The following MYOF variants were observed in gnomAD, a reference collection of about 807,000 sequenced individuals.
MYOF encodes the protein myoferlin.
A neutral mutation model predicts 284.2 loss-of-function variants in MYOF; 244 were observed. The observed-to-expected ratio is 0.86, with a 90% CI of 0.77 to 0.95. The LOEUF (loss-of-function observed/expected upper bound fraction) is 0.95. MYOF is among the 40% of genes least tolerant of loss of function. The pLI, the probability that MYOF is intolerant of heterozygous loss-of-function variation, is 0.00. For missense variants in MYOF, 2,496 were observed against 2,560.6 expected, an observed-to-expected ratio of 0.97 and a Z score of 0.54; for synonymous variants, 904 against 919.7, an observed-to-expected ratio of 0.98 and a Z score of 0.31.
Position 93,328,772 on chromosome 10 carries a change from C to T in MYOF, c.5122G>A (p.Asp1708Asn). Reference sequence around the variant, plus strand: ...ACAGCTAGGTGCTCACCAAATTCATCCAAGCTGTAGTCTCGTCCTCCATAT... The same window carrying T: ...ACAGCTAGGTGCTCACCAAATTCATTCAAGCTGTAGTCTCGTCCTCCATAT... The part of the protein sequence containing the change: ...IRYGGRDYSL[D>N]EFEANKILHQ... Residue 1708 changes from aspartate (D) to asparagine (N), a missense_variant, in exon 45 of 54, where the codon GAT becomes AAT. Transcript: ENST00000359263. 1 of 1,609,722 alleles carries T rather than the reference C, an allele frequency of 6.2e-7. No individual in the cohort carries two copies. The highest frequency in any genetic ancestry group is 8.5e-7 in the Non-Finnish European group (1 of 1,176,266).
At chr10:93,446,392 TAGC>T (rs550646440) in intron 3 of MYOF, among the ~76,000 whole-genome samples, 294 of 152,326 alleles carry the variant, frequency 1.9e-3, no homozygotes, top group African/African-American at 7.0e-3. Flanking sequence ...AATTAACTAT[TAGC>T]AGCTATTATA....
At chr10:93,341,871 C>T in intron 38 of MYOF, 1 of 1,266,626 alleles carries the variant, frequency 7.9e-7, no homozygotes, top group Non-Finnish European at 1.0e-6. Context: ...GCCAAGGTCC[C>T]ACAGTCCCAG....
At chr10:93,432,744 C>G (rs1339168430) in intron 3 of MYOF, among the ~76,000 whole-genome samples, 1 of 152,164 alleles carries the variant, frequency 6.6e-6, no homozygotes, top group African/African-American at 2.4e-5. Flanking sequence ...CATATTGGTA[C>G]AGAAGTACCC....
rs746751764 is a variant in MYOF, at chr10:93,353,898, C to T, written c.3404-10G>A. ...TGGTAGATGTAGACTCCTAAAAAAA[C>T]AGGATAAAGATTACTTACAAGAAGC... On this transcript the variant is annotated splice_polypyrimidine_tract_variant and intron_variant, in intron 31 of 53. Transcript: ENST00000359263. The T allele has an allele frequency of 1.3e-6, 2 of 1,597,282 alleles. No homozygotes were observed.
chr10:93,313,487 C>T (rs1375534441), intron 50 of MYOF, among the ~76,000 whole-genome samples: 1 of 152,188 alleles, frequency 6.6e-6, no homozygotes, highest in African/African-American at 2.4e-5. Context: ...AATGAAATAT[C>T]TACAGACACA....
chr10:93,428,000 G>C (rs1848670897), intron 4 of MYOF, among the ~76,000 whole-genome samples: 1 of 151,960 alleles, frequency 6.6e-6, no homozygotes, highest in Non-Finnish European at 1.5e-5. Flanking sequence ...TTTTATAAAA[G>C]AGAGGCATTT....
At chr10:93,468,358 A>G (rs1880262) in intron 1 of MYOF, among the ~76,000 whole-genome samples, 145,308 of 152,240 alleles carry the variant, frequency 0.95, 69,709 homozygotes, top group South Asian at 1. Context: ...ACAAAAGCCC[A>G]CCTGGTAGAA....
chr10:93,458,229 A>G (rs915072260), intron 1 of MYOF, among the ~76,000 whole-genome samples: 19 of 152,044 alleles, frequency 1.2e-4, no homozygotes, highest in Admixed American at 1.0e-3. Context: ...GCACACACCT[A>G]TAGGTTCCAG....
chr10:93,397,244 C>CA lies in MYOF; in HGVS notation c.1334+2dup. On this transcript the variant is annotated splice_region_variant and intron_variant, in intron 15 of 53. Transcript: ENST00000359263. ...ATTAGACACATACGTATTTTCAACT[C>CA]ACCAGTCATATATTGTTAGTTTTAT... 1 of 1,581,098 alleles carries CA rather than the reference C, an allele frequency of 6.3e-7. No homozygotes were observed. The highest frequency in any genetic ancestry group is 2.2e-5 in the East Asian group (1 of 44,616).
intron 3 of MYOF, among the ~76,000 whole-genome samples, chr10:93,450,795 T>C (rs959527404): frequency 3.3e-5 from 5 of 152,198 alleles, no homozygotes; most frequent in African/African-American, 4.8e-5. Context: ...TGTACTAACA[T>C]TACTAAAAAC....
chr10:93,312,080 AT>A (rs1234841375), intron 51 of MYOF, among the ~76,000 whole-genome samples: 2 of 152,266 alleles, frequency 1.3e-5, no homozygotes, highest in Non-Finnish European at 2.9e-5. Flanking sequence ...AATACAGTTT[AT>A]GTAAATTATA....
chr10:93,443,285 C>T (rs1028655555), intron 3 of MYOF, among the ~76,000 whole-genome samples: 31 of 152,094 alleles, frequency 2.0e-4, no homozygotes, highest in Admixed American at 2.0e-3. Context: ...AAAATCCTTC[C>T]CTATGAATTA....
intron 44 of MYOF, among the ~76,000 whole-genome samples, chr10:93,329,200 A>T (rs998962275): frequency 3.3e-5 from 5 of 152,188 alleles, no homozygotes; most frequent in Admixed American, 3.3e-4. Context: ...AGGCAAACTC[A>T]TAAACTAGAA....
intron 3 of MYOF, among the ~76,000 whole-genome samples, chr10:93,448,599 G>A (rs1458925938): frequency 6.6e-6 from 1 of 152,172 alleles, no homozygotes. Context: ...AATGAGGAAG[G>A]CCTCAACCAG....
At chr10:93,401,826 TGTGTGA>T (rs1379881917) in intron 11 of MYOF, among the ~76,000 whole-genome samples, 1,148 of 21,630 alleles carry the variant, frequency 0.053, 10 homozygotes, top group Middle Eastern at 0.18. Flanking sequence ...TGTGTGTGTG[TGTGTGA>T]TCCTGATGTC....
At chr10:93,399,115 C>T (rs948937842) in intron 13 of MYOF, among the ~76,000 whole-genome samples, 1 of 152,146 alleles carries the variant, frequency 6.6e-6, no homozygotes, top group Non-Finnish European at 1.5e-5. Context: ...AACGTTTGGA[C>T]CTGAAAAGCA....
intron 1 of MYOF, chr10:93,478,309 C>A: frequency 8.9e-6 from 2 of 224,220 alleles, no homozygotes; most frequent in Non-Finnish European, 1.8e-5. Flanking sequence ...GAACTTAGGG[C>A]AGAATGGCCA....
At chr10:93,380,826 T>C (rs1846076148) in intron 20 of MYOF, among the ~76,000 whole-genome samples, 1 of 152,184 alleles carries the variant, frequency 6.6e-6, no homozygotes, top group Admixed American at 6.5e-5. Flanking sequence ...GAAGCATGAT[T>C]TCCCAGTAGC....
At chr10:93,394,603 T>G (rs113804244) in intron 16 of MYOF, among the ~76,000 whole-genome samples, 5,993 of 151,164 alleles carry the variant, frequency 0.04, 408 homozygotes, top group African/African-American at 0.14. Flanking sequence ...TGGGACTACA[T>G]GTGCCCACCA....
Sources: allele counts gnomAD v4.1 joint callset (sites outside exome capture counted in the v4.1 genomes callset), GRCh38; gene constraint gnomAD v4.1.1; transcripts MANE v1.5; gene names NCBI Gene and HGNC (gene_info 2026-07-23, HGNC 2026-07-21).